Variants in ITPR2 observed in about 807,000 individuals in gnomAD.
The protein encoded by ITPR2 is inositol 1,4,5-trisphosphate-gated calcium channel ITPR2.
A neutral mutation model predicts 317.1 loss-of-function variants in ITPR2; 207 were observed. The ratio of observed to expected loss-of-function variants is 0.65; its 90% CI spans 0.58 to 0.73. The LOEUF is 0.73. Ranked by LOEUF, ITPR2 falls within the 30% of genes least tolerant of loss-of-function variation. The probability of loss-of-function intolerance (pLI) is 0.00; values close to 1 mark genes in which losing one functional copy is unlikely to be tolerated. For synonymous variants in ITPR2, 1,156 were observed against 1,149.1 expected (o/e 1.01, Z -0.12); for missense variants, 2,613 against 3,284.0 (o/e 0.80, Z 4.99).
chr12:26,486,751 G>A, intron 40 of ITPR2: 1 of 566,632 alleles, frequency 1.8e-6, no homozygotes, highest in Non-Finnish European at 3.3e-6. Context: ...GTTTGGTGTG[G>A]TAATTTCTGT....
At chr12:26,372,883 G>A (rs775918043) in intron 55 of ITPR2, among the ~76,000 whole-genome samples, 5 of 152,248 alleles carry the variant, frequency 3.3e-5, no homozygotes, top group East Asian at 1.9e-4. Context: ...GAAATTCCTC[G>A]CGCCTCCCAC....
intron 21 of ITPR2, among the ~76,000 whole-genome samples, chr12:26,634,345 T>G (rs534634728): frequency 6.6e-6 from 1 of 152,214 alleles, no homozygotes; most frequent in African/African-American, 2.4e-5. Flanking sequence ...AAATCAGAGG[T>G]GATTAATCCT....
intron 45 of ITPR2, among the ~76,000 whole-genome samples, chr12:26,464,172 TG>T (rs1565541294): frequency 6.6e-6 from 1 of 151,876 alleles, no homozygotes; most frequent in Non-Finnish European, 1.5e-5. Context: ...GACTGGGGCG[TG>T]GGGGGGAATG....
At position 26,762,350 on chromosome 12, in the gene ITPR2, A is replaced by T. The variant is rs189118472; in HGVS notation, c.163+27807T>A. On this transcript the variant is annotated intron_variant, in intron 2 of 56. Coordinates refer to ENST00000381340, the MANE Select transcript of ITPR2 (RefSeq NM_002223.4). ...GAAAGCAGCAACAGAGAAGCAACTC[A>T]TCACAAACAAGAAAACTTACATAAG... is the stretch of plus-strand genomic sequence containing the variant. 3.5e-3 allele frequency among the ~76,000 whole-genome samples: 529 copies of T among 152,368 alleles called. 1 individual carries two copies. Among genetic ancestry groups the T allele is most frequent in the Admixed American group, 8.1e-3 (124 of 15,302 alleles).
intron 2 of ITPR2, among the ~76,000 whole-genome samples, chr12:26,769,753 T>C (rs1259696301): frequency 6.6e-6 from 1 of 152,158 alleles, no homozygotes; most frequent in African/African-American, 2.4e-5. Flanking sequence ...ACTGATTTGA[T>C]ATATTAATAT....
intron 45 of ITPR2, among the ~76,000 whole-genome samples, chr12:26,456,105 G>C (rs1941879144): frequency 2.0e-5 from 3 of 152,204 alleles, no homozygotes; most frequent in African/African-American, 7.2e-5. Context: ...AAATGAGACT[G>C]AGATCTACTG....
rs754940911 is a variant in ITPR2, at chr12:26,419,029, C to A, written c.7110+20G>T. 6.3e-7 allele frequency: 1 copy of A among 1,597,624 alleles called. No homozygotes were observed. Among genetic ancestry groups the A allele is most frequent in the Non-Finnish European group, 8.5e-7 (1 of 1,170,552 alleles). On this transcript the variant is annotated intron_variant, in intron 50 of 56. Transcript: ENST00000381340. ...TGTGTACTTTTTCAGCAGTGATTGT[C>A]CACATAGAGATGTACTCACCAGGAA...
intron 49 of ITPR2, among the ~76,000 whole-genome samples, chr12:26,421,750 A>G (rs1386789471): frequency 2.8e-5 from 4 of 144,256 alleles, no homozygotes; most frequent in African/African-American, 5.3e-5. Context: ...AGCTGGTGCT[A>G]AGAGGTTCCT....
chr12:26,816,715 T>A (rs1266766620), intron 1 of ITPR2, among the ~76,000 whole-genome samples: 1 of 152,134 alleles, frequency 6.6e-6, no homozygotes, highest in Non-Finnish European at 1.5e-5. Flanking sequence ...AAGAATATGG[T>A]GCTATCTGAG....
intron 55 of ITPR2, among the ~76,000 whole-genome samples, chr12:26,356,577 C>T (rs1305271652): frequency 6.6e-6 from 1 of 152,224 alleles, no homozygotes; most frequent in Non-Finnish European, 1.5e-5. Context: ...ATCAGTTTTA[C>T]ACAAATGGAG....
chr12:26,530,070 A>T (rs1943908280), intron 37 of ITPR2, among the ~76,000 whole-genome samples: 1 of 152,204 alleles, frequency 6.6e-6, no homozygotes. Flanking sequence ...TAAGAATCTA[A>T]ATCCATAAGA....
chr12:26,763,070 T>C (rs1331609105), intron 2 of ITPR2, among the ~76,000 whole-genome samples: 1 of 152,138 alleles, frequency 6.6e-6, no homozygotes, highest in East Asian at 1.9e-4. Flanking sequence ...CTATAATTAA[T>C]GAAATGCATT....
intron 9 of ITPR2, among the ~76,000 whole-genome samples, chr12:26,698,620 T>C (rs1948391980): frequency 6.6e-6 from 1 of 152,208 alleles, no homozygotes; most frequent in Non-Finnish European, 1.5e-5. Flanking sequence ...CTTTCAGTTT[T>C]CAGAACTGAC....
chr12:26,385,644 TC>T (rs1005165093), intron 55 of ITPR2, among the ~76,000 whole-genome samples: 1 of 152,178 alleles, frequency 6.6e-6, no homozygotes, highest in African/African-American at 2.4e-5. Context: ...TCTCAGAGTT[TC>T]CCTATAAGTG....
intron 1 of ITPR2, among the ~76,000 whole-genome samples, chr12:26,809,999 T>A (rs1029872012): frequency 6.6e-6 from 1 of 152,240 alleles, no homozygotes; most frequent in Non-Finnish European, 1.5e-5. Flanking sequence ...TTCTGGATTG[T>A]ACACTAAGGG....
intron 48 of ITPR2, among the ~76,000 whole-genome samples, chr12:26,429,022 T>C (rs1941138162): frequency 6.6e-6 from 1 of 152,198 alleles, no homozygotes. Flanking sequence ...ACACCTCTTA[T>C]CTTTATTTAT....
intron 1 of ITPR2, among the ~76,000 whole-genome samples, chr12:26,826,633 AATTG>A (rs1240159119): frequency 1.1e-4 from 16 of 152,210 alleles, no homozygotes; most frequent in African/African-American, 3.9e-4. Flanking sequence ...TCAGCGCATC[AATTG>A]GTAGTCACCT....
chr12:26,574,178 C>T (rs938680190), intron 34 of ITPR2, among the ~76,000 whole-genome samples: 3 of 151,204 alleles, frequency 2.0e-5, no homozygotes, highest in Admixed American at 6.6e-5. Context: ...CTTGCAGCTG[C>T]CATATATGAG....
intron 32 of ITPR2, among the ~76,000 whole-genome samples, chr12:26,589,251 C>T (rs548819932): frequency 6.3e-4 from 95 of 151,936 alleles, no homozygotes; most frequent in Middle Eastern, 3.2e-3. Context: ...CAATCTAGCA[C>T]CAGTTTATTA....
Sources: allele counts gnomAD v4.1 joint callset (sites outside exome capture counted in the v4.1 genomes callset), GRCh38; gene constraint gnomAD v4.1.1; transcripts MANE v1.5; gene names NCBI Gene and HGNC (gene_info 2026-07-23, HGNC 2026-07-21).